Variants in HTR7 observed in about 807,000 individuals in gnomAD.
HTR7 encodes the protein 5-hydroxytryptamine receptor 7.
Under a neutral mutation model 34.0 loss-of-function variants are expected in HTR7, and 16 were observed. That is an observed-to-expected ratio of 0.47 (90% CI 0.32 to 0.71). HTR7 has a LOEUF of 0.71. Ranked by LOEUF, HTR7 falls within the 30% of genes least tolerant of loss-of-function variation. The pLI is 0.04. For missense variants in HTR7, 504 were observed against 625.5 expected (o/e 0.81, Z 2.07); for synonymous variants, 265 against 260.2 (o/e 1.02, Z -0.18).
At chr10:90,754,957 G>A (rs1397376177) in intron 1 of HTR7, among the ~76,000 whole-genome samples, 1 of 152,166 alleles carries the variant, frequency 6.6e-6, no homozygotes, top group Non-Finnish European at 1.5e-5. Flanking sequence ...GCTGATGTCA[G>A]TGGCTGCTGA....
intron 1 of HTR7, among the ~76,000 whole-genome samples, chr10:90,759,981 C>T (rs1459382926): frequency 6.6e-6 from 1 of 152,176 alleles, no homozygotes; most frequent in Admixed American, 6.5e-5. Flanking sequence ...TTTACACAAT[C>T]TTTCAGGAAC....
chr10:90,761,469 G>C (rs66845062), intron 1 of HTR7, among the ~76,000 whole-genome samples: 19,399 of 152,112 alleles, frequency 0.13, 1,490 homozygotes, highest in East Asian at 0.2. Flanking sequence ...AAGTGTTTCA[G>C]TTAGTGAAGG....
At chr10:90,751,802 C>T (rs183111790) in intron 1 of HTR7, among the ~76,000 whole-genome samples, 1 of 152,338 alleles carries the variant, frequency 6.6e-6, no homozygotes, top group East Asian at 1.9e-4. Flanking sequence ...TCTCCCATTT[C>T]TTCACACTTT....
chr10:90,752,335 C>CT (rs1209526380), intron 1 of HTR7, among the ~76,000 whole-genome samples: 1 of 151,972 alleles, frequency 6.6e-6, no homozygotes, highest in Non-Finnish European at 1.5e-5. Flanking sequence ...TAGGAAAAAG[C>CT]TTTTTAAAAA....
At chr10:90,848,042 T>C (rs1846435886) in intron 1 of HTR7, among the ~76,000 whole-genome samples, 1 of 148,902 alleles carries the variant, frequency 6.7e-6, no homozygotes, top group Non-Finnish European at 1.5e-5. Flanking sequence ...CTCCATCCCA[T>C]CTAAAAGCAA....
At chr10:90,792,413 G>T (rs975810446) in intron 1 of HTR7, among the ~76,000 whole-genome samples, 5 of 151,794 alleles carry the variant, frequency 3.3e-5, no homozygotes, top group Admixed American at 2.0e-4. Context: ...TATACCAGCA[G>T]GAATTAATCA....
chr10:90,749,644 TCAAC>T lies in HTR7; in HGVS notation c.540-54_540-51del. The T allele has an allele frequency of 6.5e-7, 1 of 1,538,980 alleles. No individual in the cohort carries two copies. Among genetic ancestry groups the T allele is most frequent in the South Asian group, 1.3e-5 (1 of 79,742 alleles). On this transcript the variant is annotated intron_variant, in intron 1 of 3. Coordinates refer to ENST00000336152, the MANE Select transcript of HTR7 (RefSeq NM_019859.4). The surrounding 1 kb of genome is among the most constrained non-coding windows in gnomAD (Gnocchi z 4.2). The stretch of plus-strand genomic sequence containing the variant: ...AGATGAACACCGTGATCATAACTGG[TCAAC>T]CAAGCAAGTCCTGCCAGCCAGGTAC...
chr10:90,761,141 C>T (rs1022959151), intron 1 of HTR7, among the ~76,000 whole-genome samples: 4 of 152,102 alleles, frequency 2.6e-5, no homozygotes, highest in Admixed American at 2.0e-4. Flanking sequence ...AGCCATCCTC[C>T]TAAGTGGACA....
intron 3 of HTR7, among the ~76,000 whole-genome samples, chr10:90,743,114 C>A (rs1396909093): frequency 6.6e-6 from 1 of 152,122 alleles, no homozygotes; most frequent in Admixed American, 6.5e-5. Flanking sequence ...CACACTACAT[C>A]ATGTGCCTAA....
At position 90,781,482 on chromosome 10, in the gene HTR7, C is replaced by A. The variant is rs575987075; in HGVS notation, c.540-31888G>T. On this transcript the variant is annotated intron_variant, in intron 1 of 3. Transcript: ENST00000336152. Reference sequence around the variant, plus strand: ...TAGAAAACTAACTTCATATTCCCCACAAGATCCAGAAGACATCAGAAGGGT... The same window carrying A: ...TAGAAAACTAACTTCATATTCCCCAAAAGATCCAGAAGACATCAGAAGGGT... 1.5e-4 allele frequency among the ~76,000 whole-genome samples: 23 copies of A among 152,304 alleles called. No homozygotes were observed. In the South Asian group the frequency reaches 4.1e-3, roughly 27 times the overall value.
chr10:90,809,379 G>C (rs184385455), intron 1 of HTR7, among the ~76,000 whole-genome samples: 1 of 152,080 alleles, frequency 6.6e-6, no homozygotes, highest in African/African-American at 2.4e-5. Flanking sequence ...TTCATGACTC[G>C]TTTGGCAGCA....
chr10:90,777,347 G>A (rs1845233179), intron 1 of HTR7, among the ~76,000 whole-genome samples: 1 of 152,006 alleles, frequency 6.6e-6, no homozygotes, highest in Non-Finnish European at 1.5e-5. Context: ...TGGGTGTGGT[G>A]GTGGGCGCCT....
intron 1 of HTR7, among the ~76,000 whole-genome samples, chr10:90,818,435 G>A (rs994688889): frequency 6.6e-6 from 1 of 151,680 alleles, no homozygotes; most frequent in Non-Finnish European, 1.5e-5. Context: ...AATGCCAGCT[G>A]CTTGGGAAGC....
intron 1 of HTR7, among the ~76,000 whole-genome samples, chr10:90,782,896 A>G (rs760511932): frequency 6.6e-6 from 1 of 152,140 alleles, no homozygotes; most frequent in Non-Finnish European, 1.5e-5. Context: ...AACAGTGAAC[A>G]TGGCTATTTT....
At chr10:90,786,930 G>A (rs750161692) in intron 1 of HTR7, among the ~76,000 whole-genome samples, 4 of 152,110 alleles carry the variant, frequency 2.6e-5, no homozygotes, top group South Asian at 2.1e-4. Context: ...CATCGTCTGC[G>A]TTACTGCATT....
intron 1 of HTR7, among the ~76,000 whole-genome samples, chr10:90,759,518 G>A (rs1050290815): frequency 6.0e-5 from 9 of 150,830 alleles, no homozygotes; most frequent in African/African-American, 2.0e-4. Context: ...AGCCGGGCGC[G>A]GTGGCGGGCG....
chr10:90,762,379 T>C (rs148875837), intron 1 of HTR7, among the ~76,000 whole-genome samples: 11 of 152,356 alleles, frequency 7.2e-5, no homozygotes, highest in Middle Eastern at 6.8e-3. Context: ...GTTTCCCTGA[T>C]GATAAGTGAT....
intron 1 of HTR7, among the ~76,000 whole-genome samples, chr10:90,822,645 A>G (rs932965067): frequency 1.3e-5 from 2 of 152,244 alleles, no homozygotes; most frequent in African/African-American, 4.8e-5. Context: ...AGTAAAGAAG[A>G]GCCTGATGTT....
chr10:90,802,590 T>C (rs112774942), intron 1 of HTR7, among the ~76,000 whole-genome samples: 2,305 of 152,340 alleles, frequency 0.015, 55 homozygotes, highest in African/African-American at 0.05. Context: ...TTCTAAGCAA[T>C]TGATGGAAAG....
Sources: gnomAD v4.1 joint callset for allele counts (sites outside exome capture counted in the v4.1 genomes callset) on GRCh38, gnomAD v4.1.1 for gene constraint, Gnocchi (gnomAD v3.1) non-coding constraint, MANE v1.5 for transcripts, NCBI Gene and HGNC (gene_info 2026-07-23, HGNC 2026-07-21) for gene names.